C6orf118: variants seen among roughly 807,000 people sequenced by gnomAD.
The protein encoded by C6orf118 is chromosome 6 open reading frame 118, also known as uncharacterized protein C6orf118.
In C6orf118, 50 loss-of-function variants were observed where a neutral mutation model predicts 50.2. The observed-to-expected ratio is 1.00, with a 90% confidence interval of 0.79 to 1.26. C6orf118 has a LOEUF of 1.26. C6orf118 is among the 50% of genes most tolerant of loss of function. The probability of loss-of-function intolerance (pLI) is 0.00; values close to 1 mark genes in which losing one functional copy is unlikely to be tolerated. For missense variants in C6orf118, 641 were observed against 578.7 expected (o/e 1.11, Z -1.10); for synonymous variants, 239 against 230.9 (o/e 1.03, Z -0.32).
intron 3 of C6orf118, among the ~76,000 whole-genome samples, chr6:165,300,004 G>A (rs1780458503): frequency 6.6e-6 from 1 of 152,250 alleles, no homozygotes; most frequent in Non-Finnish European, 1.5e-5. Flanking sequence ...TCATGAAATT[G>A]CAACAAACCT....
chr6:165,309,420 C>T (rs1162878415), intron 1 of C6orf118, 142 bp downstream of exon 1: 4 of 961,620 alleles, frequency 4.2e-6, no homozygotes, highest in Non-Finnish European at 6.4e-6. Context: ...ATCCAGTCCT[C>T]AGCCCTAGTG....
At chr6:165,284,024 C>T (rs1779824783) in intron 7 of C6orf118, among the ~76,000 whole-genome samples, 1 of 152,150 alleles carries the variant, frequency 6.6e-6, no homozygotes, top group South Asian at 2.1e-4. Context: ...TAATAACGAA[C>T]TTCACTGAGC....
chr6:165,294,852 C>A (rs1168579787), intron 5 of C6orf118, among the ~76,000 whole-genome samples: 1 of 152,174 alleles, frequency 6.6e-6, no homozygotes, highest in Non-Finnish European at 1.5e-5. Context: ...CACTACACTC[C>A]AGCCTGGGCA....
chr6:165,301,276 G>A (rs1349184080), intron 2 of C6orf118, among the ~76,000 whole-genome samples: 3 of 151,674 alleles, frequency 2.0e-5, no homozygotes, highest in South Asian at 2.1e-4. Flanking sequence ...AGAGCACTGC[G>A]CCCAGAGGCT....
At chr6:165,280,611 G>C (rs1779696333) in intron 8 of C6orf118, among the ~76,000 whole-genome samples, 1 of 152,176 alleles carries the variant, frequency 6.6e-6, no homozygotes, top group Non-Finnish European at 1.5e-5. Flanking sequence ...GGCTGAGAGT[G>C]ACCTTGGCCC....
intron 7 of C6orf118, among the ~76,000 whole-genome samples, chr6:165,289,676 T>C (rs187470443): frequency 1.6e-4 from 24 of 152,182 alleles, no homozygotes; most frequent in Non-Finnish European, 2.6e-4. Context: ...CAGAAATCTA[T>C]AGAATTTTTT....
chr6:165,302,355 C>A (rs1462529680), intron 1 of C6orf118, 59 bp from the exon 2 acceptor site: 1 of 1,562,828 alleles, frequency 6.4e-7, no homozygotes, highest in African/African-American at 1.4e-5. Flanking sequence ...AGTAAGTCAG[C>A]TGGTGCACTG....
chr6:165,301,534 C>A, intron 2 of C6orf118, 35 bp downstream of exon 2: 1 of 1,578,220 alleles, frequency 6.3e-7, no homozygotes, highest in South Asian at 1.2e-5. Context: ...CCTGAGAGCT[C>A]TTCCCTGAGA....
chr6:165,290,172 AC>A, intron 6 of C6orf118, 105 bp from the exon 7 acceptor site: 2 of 661,470 alleles, frequency 3.0e-6, no homozygotes, highest in Non-Finnish European at 4.8e-6. Context: ...AGTATATATA[AC>A]TATAAAATAT....
chr6:165,309,344 G>T (rs546493745), intron 1 of C6orf118, among the ~76,000 whole-genome samples: 1 of 152,320 alleles, frequency 6.6e-6, no homozygotes, highest in Non-Finnish European at 1.5e-5. Context: ...CCCACATGGC[G>T]CGCACCCCCC....
Position 165,289,912 on chromosome 6 carries a change from T to C in C6orf118, c.1276A>G (p.Thr426Ala). The C allele has an allele frequency of 2.5e-6, 4 of 1,605,096 alleles. No individual in the cohort carries two copies. The highest frequency in any genetic ancestry group is 1.7e-6 in the Non-Finnish European group (2 of 1,176,654). Reference protein sequence around the residue: ...TLVHTGISDITENRIKSIEHE... With the variant: ...TLVHTGISDIAENRIKSIEHE... ...TCTATGCTTTTAATCCTATTCTCAG[T>C]GATATCTGAAATTCCAGTATGAACC... is the stretch of plus-strand genomic sequence containing the variant. Residue 426 changes from threonine (T) to alanine (A), a missense_variant, in exon 7 of 9, where the codon ACT (threonine) becomes GCT (alanine). Transcript: ENST00000230301.
At chr6:165,280,418 C>A (rs539932711) in intron 8 of C6orf118, among the ~76,000 whole-genome samples, 1 of 152,140 alleles carries the variant, frequency 6.6e-6, no homozygotes, top group Non-Finnish European at 1.5e-5. Flanking sequence ...GGAGGTGCTT[C>A]CCCAGTTTTG....
intron 1 of C6orf118, among the ~76,000 whole-genome samples, chr6:165,304,811 G>C (rs1464276366): frequency 2.0e-5 from 1 of 50,774 alleles, no homozygotes; most frequent in Non-Finnish European, 3.3e-5. Context: ...CACTGCTCAA[G>C]GAAATAAAAG....
At chr6:165,285,929 C>G (rs1446412999) in intron 7 of C6orf118, among the ~76,000 whole-genome samples, 1 of 150,336 alleles carries the variant, frequency 6.7e-6, no homozygotes, top group African/African-American at 2.5e-5. Flanking sequence ...AAGATCATGG[C>G]AGAACTGAAG....
intron 5 of C6orf118, among the ~76,000 whole-genome samples, chr6:165,293,692 G>A: frequency 6.6e-6 from 1 of 152,108 alleles, no homozygotes; most frequent in African/African-American, 2.4e-5. Context: ...AGCCTTTAAA[G>A]AGTTAGTTAA....
intron 7 of C6orf118, among the ~76,000 whole-genome samples, chr6:165,288,480 C>T (rs980658120): frequency 2.6e-5 from 4 of 152,092 alleles, no homozygotes; most frequent in African/African-American, 7.2e-5. Flanking sequence ...AAGATACATG[C>T]ACATATATGT....
chr6:165,309,451 C>T, intron 1 of C6orf118, 111 bp downstream of exon 1: 1 of 1,326,748 alleles, frequency 7.5e-7, no homozygotes, highest in Non-Finnish European at 1.1e-6. Context: ...CGGCGTGCAG[C>T]CACCAGAAAA....
Position 165,281,423 on chromosome 6 carries a change from T to C in C6orf118, c.1356+217A>G, listed in dbSNP as rs567037621. ...CTAGTCTAATCTAGTTTTAAATAAC[T>C]GATCTTGAGAACAGCATGATACTGC... On this transcript the variant is annotated intron_variant, in intron 8 of 8. Transcript: ENST00000230301. The C allele has an allele frequency of 2.8e-6, 3 of 1,070,176 alleles. No individual in the cohort carries two copies. In the East Asian group the frequency reaches 1.3e-4, roughly 46 times the overall value. 66.3% of individuals were successfully genotyped at this position (1,070,176 alleles called of 1,614,324 possible).
chr6:165,303,498 C>CA (rs1192314674), intron 1 of C6orf118, among the ~76,000 whole-genome samples: 1 of 144,336 alleles, frequency 6.9e-6, no homozygotes, highest in Non-Finnish European at 1.5e-5. Flanking sequence ...AATAGAGACA[C>CA]AAAAAACCCT....
Sources: gnomAD v4.1 joint callset for allele counts (sites outside exome capture counted in the v4.1 genomes callset) on GRCh38, gnomAD v4.1.1 for gene constraint, MANE v1.5 for transcripts, NCBI Gene and HGNC (gene_info 2026-07-23, HGNC 2026-07-21) for gene names.